Variants in CSMD1 observed in about 807,000 individuals in gnomAD.
CSMD1 encodes the protein CUB and Sushi multiple domains 1.
In CSMD1, 213 loss-of-function variants were observed where a neutral mutation model predicts 417.5. The observed-to-expected ratio is 0.51, with a 90% CI of 0.46 to 0.57. The LOEUF is 0.57. CSMD1 is among the 20% of genes least tolerant of loss of function. CSMD1 has a pLI of 0.00. For missense variants in CSMD1, 6,923 were observed against 4,529.7 expected (o/e 1.53, Z -15.17); for synonymous variants, 2,862 against 1,736.8 (o/e 1.65, Z -16.11).
chr8:3,553,960 A>C (rs997685248), intron 10 of CSMD1, among the ~76,000 whole-genome samples: 3 of 152,198 alleles, frequency 2.0e-5, no homozygotes, highest in Non-Finnish European at 2.9e-5. Context: ...TAATTTGTAC[A>C]TTAGGTGATG....
chr8:3,670,208 C>G (rs949142095), intron 7 of CSMD1, among the ~76,000 whole-genome samples: 1 of 151,872 alleles, frequency 6.6e-6, no homozygotes, highest in South Asian at 2.1e-4. Flanking sequence ...TGGGTACCCT[C>G]TAATCAGCTG....
intron 15 of CSMD1, among the ~76,000 whole-genome samples, chr8:3,403,634 C>A (rs572620463): frequency 6.6e-6 from 1 of 152,176 alleles, no homozygotes; most frequent in East Asian, 1.9e-4. Flanking sequence ...ACATAAGGCA[C>A]AGCTTGACTT....
At chr8:3,571,361 A>C (rs1035653337) in intron 10 of CSMD1, among the ~76,000 whole-genome samples, 8 of 152,154 alleles carry the variant, frequency 5.3e-5, no homozygotes, top group African/African-American at 1.9e-4. Context: ...TACATAAAGA[A>C]ATTGGTTCCT....
intron 5 of CSMD1, among the ~76,000 whole-genome samples, chr8:3,897,656 C>T (rs1344963047): frequency 1.3e-5 from 2 of 152,154 alleles, no homozygotes; most frequent in South Asian, 2.1e-4. Context: ...TCACCATAAT[C>T]GTTAATAATA....
At chr8:3,675,403 G>C (rs1361541813) in intron 7 of CSMD1, among the ~76,000 whole-genome samples, 1 of 152,138 alleles carries the variant, frequency 6.6e-6, no homozygotes, top group Non-Finnish European at 1.5e-5. Flanking sequence ...ATCTTGTTTT[G>C]TTTGCTAATG....
intron 52 of CSMD1, among the ~76,000 whole-genome samples, chr8:3,000,541 G>A (rs1440528031): frequency 3.9e-5 from 6 of 152,030 alleles, no homozygotes; most frequent in African/African-American, 1.2e-4. Flanking sequence ...TCGGTGAGGG[G>A]GGCTTCCAGT....
At chr8:3,153,059 G>A (rs942321977) in intron 39 of CSMD1, among the ~76,000 whole-genome samples, 1 of 152,168 alleles carries the variant, frequency 6.6e-6, no homozygotes, top group Admixed American at 6.5e-5. Context: ...TAAGTCACAG[G>A]ATGAGAGAGA....
At chr8:4,732,926 G>C (rs556567617) in intron 1 of CSMD1, among the ~76,000 whole-genome samples, 5 of 152,062 alleles carry the variant, frequency 3.3e-5, no homozygotes, top group African/African-American at 9.7e-5. Flanking sequence ...AGAGGAGATC[G>C]GGAGGCAGCA....
At chr8:4,273,982 C>G (rs1049968397) in intron 3 of CSMD1, among the ~76,000 whole-genome samples, 13 of 152,124 alleles carry the variant, frequency 8.5e-5, no homozygotes, top group Non-Finnish European at 1.8e-4. Flanking sequence ...ATTTGTATTG[C>G]TATCAGTGAT....
intron 1 of CSMD1, among the ~76,000 whole-genome samples, chr8:4,827,370 G>A (rs748654207): frequency 2.6e-4 from 39 of 152,052 alleles, no homozygotes; most frequent in African/African-American, 9.4e-4. Flanking sequence ...AAAGCCCAGC[G>A]GCTGCTCGAG....
intron 5 of CSMD1, among the ~76,000 whole-genome samples, chr8:3,754,892 C>T (rs1285041987): frequency 6.6e-6 from 1 of 151,992 alleles, no homozygotes; most frequent in Non-Finnish European, 1.5e-5. Context: ...AAGAAGAGGA[C>T]CATTTATGAG....
chr8:2,953,295 T>A (rs916407180), intron 65 of CSMD1, among the ~76,000 whole-genome samples: 1 of 152,182 alleles, frequency 6.6e-6, no homozygotes, highest in African/African-American at 2.4e-5. Context: ...ATTCCTTTCA[T>A]CATATTGGCA....
intron 2 of CSMD1, among the ~76,000 whole-genome samples, chr8:4,572,947 G>C (rs532433181): frequency 6.6e-6 from 1 of 152,198 alleles, no homozygotes; most frequent in East Asian, 1.9e-4. Context: ...AAGTCCTTGT[G>C]CCGTGTTTTT....
intron 10 of CSMD1, among the ~76,000 whole-genome samples, chr8:3,558,133 C>G (rs1324461090): frequency 1.3e-5 from 2 of 150,560 alleles, no homozygotes; most frequent in Non-Finnish European, 3.0e-5. Context: ...TACCCCGTGT[C>G]CACTCCTCCA....
intron 2 of CSMD1, among the ~76,000 whole-genome samples, chr8:4,520,659 GC>G (rs1563251892): frequency 6.6e-6 from 1 of 152,116 alleles, no homozygotes; most frequent in East Asian, 1.9e-4. Flanking sequence ...GCAATGATAC[GC>G]CATGAACAGA....
intron 19 of CSMD1, among the ~76,000 whole-genome samples, chr8:3,368,631 A>C (rs571456693): frequency 2.6e-5 from 4 of 152,208 alleles, no homozygotes; most frequent in African/African-American, 9.6e-5. Context: ...GAGTCACTTC[A>C]CCTGGCCCCA....
intron 54 of CSMD1, among the ~76,000 whole-genome samples, chr8:2,980,840 C>T (rs189319661): frequency 1.3e-3 from 201 of 152,242 alleles, no homozygotes; most frequent in African/African-American, 4.4e-3. Flanking sequence ...AATGCTAAGC[C>T]CTAAGTTCCT....
intron 2 of CSMD1, among the ~76,000 whole-genome samples, chr8:4,479,848 T>C (rs935609059): frequency 3.3e-5 from 5 of 151,596 alleles, no homozygotes; most frequent in African/African-American, 9.7e-5. Context: ...CTCCTTTAGT[T>C]CCAGCTACTC....
intron 7 of CSMD1, among the ~76,000 whole-genome samples, chr8:3,643,476 G>C (rs148048434): frequency 0.011 from 1,625 of 151,990 alleles, 23 homozygotes; most frequent in South Asian, 0.045. Context: ...GCCGAGGTAG[G>C]CGGATCACAA....
Sources: allele counts gnomAD v4.1 joint callset (sites outside exome capture counted in the v4.1 genomes callset), GRCh38; gene constraint gnomAD v4.1.1; transcripts MANE v1.5; gene names NCBI Gene and HGNC (gene_info 2026-07-23, HGNC 2026-07-21).